Variants in CELF4 observed in about 807,000 individuals in gnomAD.
CELF4 encodes CUGBP Elav-like family member 4.
Under a neutral mutation model 59.9 loss-of-function variants are expected in CELF4, and 18 were observed. The observed-to-expected ratio is 0.30, with a 90% CI of 0.21 to 0.45. The LOEUF is 0.45. Ranked by LOEUF, CELF4 falls within the 20% of genes least tolerant of loss-of-function variation. CELF4 has a pLI of 1.00. For synonymous variants in CELF4, 261 were observed against 267.1 expected (o/e 0.98, Z 0.22); for missense variants, 456 against 689.0 (o/e 0.66, Z 3.79).
intron 1 of CELF4, among the ~76,000 whole-genome samples, chr18:37,557,896 T>C (rs1254927986): frequency 6.6e-6 from 1 of 151,720 alleles, no homozygotes; most frequent in Admixed American, 6.6e-5. Context: ...GATCAGCTCA[T>C]GCTAGAGAAG....
intron 2 of CELF4, among the ~76,000 whole-genome samples, chr18:37,326,324 GC>G (rs1430772400): frequency 6.6e-6 from 1 of 152,108 alleles, no homozygotes; most frequent in Non-Finnish European, 1.5e-5. Flanking sequence ...TTGTAACTTT[GC>G]CCCCTGGGAC....
chr18:37,285,041 C>G (rs1193570047), intron 3 of CELF4, among the ~76,000 whole-genome samples: 1 of 152,168 alleles, frequency 6.6e-6, no homozygotes, highest in African/African-American at 2.4e-5. Flanking sequence ...GGCAAAATGC[C>G]CAATAACCAC....
At chr18:37,527,768 C>T (rs557718212) in intron 1 of CELF4, among the ~76,000 whole-genome samples, 2 of 152,186 alleles carry the variant, frequency 1.3e-5, no homozygotes, top group East Asian at 1.9e-4. Flanking sequence ...CCTTTTTCCA[C>T]ACATGCTTTA....
At chr18:37,337,010 G>C (rs1378544738) in intron 2 of CELF4, among the ~76,000 whole-genome samples, 1 of 152,308 alleles carries the variant, frequency 6.6e-6, no homozygotes, top group East Asian at 1.9e-4. Flanking sequence ...GCCTCCGGCT[G>C]TGCTCCACTC....
intron 1 of CELF4, among the ~76,000 whole-genome samples, chr18:37,546,326 G>A (rs2099981408): frequency 6.6e-6 from 1 of 152,054 alleles, no homozygotes; most frequent in African/African-American, 2.4e-5. Context: ...GTACTCACTT[G>A]GAAGTGGTGT....
intron 3 of CELF4, among the ~76,000 whole-genome samples, chr18:37,313,560 C>T (rs181640185): frequency 1.2e-4 from 19 of 152,284 alleles, no homozygotes; most frequent in African/African-American, 4.1e-4. Flanking sequence ...CAAAAGTCAG[C>T]AGTTGTGGCT....
At chr18:37,272,919 C>T in intron 7 of CELF4, 97 bp downstream of exon 7, 1 of 1,264,640 alleles carries the variant, frequency 7.9e-7, no homozygotes, top group Non-Finnish European at 1.1e-6. Flanking sequence ...TGTGCTTTTG[C>T]CACAGAATGG....
chr18:37,461,190 G>A (rs1261372939), intron 2 of CELF4, among the ~76,000 whole-genome samples: 1 of 152,246 alleles, frequency 6.6e-6, no homozygotes, highest in Non-Finnish European at 1.5e-5. Context: ...TCCTATGGGA[G>A]TTATCAAGCC....
At chr18:37,403,359 C>T (rs1389392836) in intron 2 of CELF4, among the ~76,000 whole-genome samples, 3 of 152,164 alleles carry the variant, frequency 2.0e-5, no homozygotes, top group Non-Finnish European at 1.5e-5. Flanking sequence ...CCTCATTTAG[C>T]AAATGAGGGG....
chr18:37,408,650 C>T (rs2099409414), intron 2 of CELF4, among the ~76,000 whole-genome samples: 1 of 152,096 alleles, frequency 6.6e-6, no homozygotes, highest in South Asian at 2.1e-4. Flanking sequence ...CGGCTCCTTT[C>T]CCCTTGGCTC....
intron 3 of CELF4, among the ~76,000 whole-genome samples, chr18:37,278,331 G>T (rs1004771377): frequency 7.2e-5 from 11 of 152,172 alleles, no homozygotes; most frequent in Admixed American, 7.2e-4. Context: ...GTCATGGATT[G>T]ACCACAACCA....
intron 2 of CELF4, among the ~76,000 whole-genome samples, chr18:37,457,476 C>T (rs919562294): frequency 4.6e-5 from 7 of 152,146 alleles, no homozygotes; most frequent in Non-Finnish European, 5.9e-5. Flanking sequence ...AGGAGTCTTC[C>T]ACCAACCCAC....
At position 37,254,811 on chromosome 18, in the gene CELF4, T is replaced by C. The variant is rs886681833; in HGVS notation, c.1334-873A>G. Among the ~76,000 whole-genome samples the C allele has an allele frequency of 3.3e-5, 5 of 152,226 alleles. No individual in the cohort carries two copies. Among genetic ancestry groups the C allele is most frequent in the South Asian group, 4.1e-4 (2 of 4,834 alleles). ...AGGTCCCAGATGGGCACAGGTCATG[T>C]TCCCAAAATGAGGTCAGAAGTCACC... On this transcript the variant is annotated intron_variant, in intron 11 of 12. Coordinates refer to ENST00000420428, the MANE Select transcript of CELF4 (RefSeq NM_020180.4). The surrounding 1 kb of genome is among the most constrained non-coding windows in gnomAD (Gnocchi z 5.1).
At chr18:37,473,009 C>A (rs7228860) in intron 2 of CELF4, among the ~76,000 whole-genome samples, 41,734 of 151,978 alleles carry the variant, frequency 0.27, 5,853 homozygotes, top group Middle Eastern at 0.36. Context: ...TGCGACTCAG[C>A]CTGCTTGAAC....
intron 2 of CELF4, among the ~76,000 whole-genome samples, chr18:37,455,002 G>C (rs747123622): frequency 3.9e-5 from 6 of 152,196 alleles, no homozygotes; most frequent in South Asian, 2.1e-4. Flanking sequence ...TCCCTAGTGA[G>C]AGCCTTCTCC....
chr18:37,439,218 G>A (rs80333654), intron 2 of CELF4, among the ~76,000 whole-genome samples: 14,084 of 152,226 alleles, frequency 0.093, 732 homozygotes, highest in East Asian at 0.17. Flanking sequence ...GGGTAGCTCT[G>A]CTTTACCCTG....
Position 37,248,118 on chromosome 18 carries a change from G to C in CELF4, c.*45-2921C>G, listed in dbSNP as rs1046381657. 6.6e-5 allele frequency among the ~76,000 whole-genome samples: 10 copies of C among 152,076 alleles called. No individual in the cohort carries two copies. In the East Asian group the frequency reaches 1.6e-3, roughly 24 times the overall value. On this transcript the variant is annotated intron_variant, in intron 12 of 12. Transcript: ENST00000420428. Reference sequence around the variant, plus strand: ...TGGACCCACCCTGGCCACCATCCTAGAGAAGGCTGCAAGGGCACCCACTGT... The same window carrying C: ...TGGACCCACCCTGGCCACCATCCTACAGAAGGCTGCAAGGGCACCCACTGT...
At chr18:37,351,194 T>C (rs545252996) in intron 2 of CELF4, among the ~76,000 whole-genome samples, 1 of 152,316 alleles carries the variant, frequency 6.6e-6, no homozygotes, top group East Asian at 1.9e-4. Context: ...AATGACAGTC[T>C]AGTTTAAGTG....
chr18:37,484,328 C>T (rs2099876558), intron 2 of CELF4, among the ~76,000 whole-genome samples: 1 of 152,186 alleles, frequency 6.6e-6, no homozygotes, highest in African/African-American at 2.4e-5. Context: ...TTACAGAGGG[C>T]ACCCAGAAAG....
Sources: allele counts gnomAD v4.1 joint callset (sites outside exome capture counted in the v4.1 genomes callset), GRCh38; gene constraint gnomAD v4.1.1; non-coding constraint Gnocchi (gnomAD v3.1); transcripts MANE v1.5; gene names NCBI Gene and HGNC (gene_info 2026-07-23, HGNC 2026-07-21).